The following SANBR variants were observed in gnomAD, a reference collection of about 807,000 sequenced individuals.
SANBR encodes the protein SANT and BTB domain regulator of class switch recombination.
Under a neutral mutation model 101.8 loss-of-function variants are expected in SANBR, and 77 were observed. The ratio of observed to expected loss-of-function variants is 0.76; its 90% CI spans 0.63 to 0.91. The LOEUF is 0.91. SANBR is among the 40% of genes least tolerant of loss of function. The pLI is 0.00. For missense variants in SANBR, 875 were observed against 853.0 expected, an observed-to-expected ratio of 1.03 and a Z score of -0.32; for synonymous variants, 279 against 274.7, an observed-to-expected ratio of 1.02 and a Z score of -0.15.
intron 13 of SANBR, among the ~76,000 whole-genome samples, 173 bp from the exon 14 acceptor site, chr2:61,106,390 C>CA (rs11364653): frequency 0.037 from 2,285 of 61,580 alleles, 3 homozygotes; most frequent in Non-Finnish European, 0.045. Context: ...GACTCCATCT[C>CA]AAAAAAAAAA....
chr2:61,079,547 A>G (rs1329446143), intron 6 of SANBR, among the ~76,000 whole-genome samples: 1 of 152,212 alleles, frequency 6.6e-6, no homozygotes, highest in Non-Finnish European at 1.5e-5. Context: ...TAAAAATTAC[A>G]AGATTGCTAA....
Position 61,071,759 on chromosome 2 carries a change from A to G in SANBR, c.304A>G (p.Thr102Ala). ...LLDIHGEFQE[T>A]PVGHDAVSKT... ...TGACATACATGGAGAATTTCAGGAG[A>G]CTCCAGTTGGACATGATGCAGTTTC... Residue 102 changes from threonine (T) to alanine (A), a missense_variant, in exon 4 of 22, where the codon ACT becomes GCT. Transcript: ENST00000402291. 1.2e-6 allele frequency: 2 copies of G among 1,602,166 alleles called. No homozygotes were observed. Among genetic ancestry groups the G allele is most frequent in the Non-Finnish European group, 1.7e-6 (2 of 1,176,662 alleles).
At chr2:61,105,704 G>A (rs1327408889) in intron 13 of SANBR, among the ~76,000 whole-genome samples, 34 of 135,554 alleles carry the variant, frequency 2.5e-4, no homozygotes, top group African/African-American at 8.1e-4. Context: ...ATGGAGTCTC[G>A]CTCTGTCACC....
At chr2:61,076,343 C>T (rs1468683250) in intron 5 of SANBR, among the ~76,000 whole-genome samples, 35 of 148,448 alleles carry the variant, frequency 2.4e-4, no homozygotes, top group Middle Eastern at 3.4e-3. Flanking sequence ...CAAGGCTGGG[C>T]GCGGTGGCTC....
intron 20 of SANBR, 106 bp downstream of exon 20, chr2:61,118,222 A>G: frequency 1.4e-6 from 1 of 721,590 alleles, no homozygotes; most frequent in Non-Finnish European, 2.3e-6. Flanking sequence ...TTAAAAGAGT[A>G]ATTTATGTGT....
chr2:61,091,356 CTG>C (rs1297102899), intron 10 of SANBR, among the ~76,000 whole-genome samples: 1 of 151,976 alleles, frequency 6.6e-6, no homozygotes, highest in Non-Finnish European at 1.5e-5. Flanking sequence ...CTTTGGGAGA[CTG>C]AGGCGGGTGG....
intron 1 of SANBR, among the ~76,000 whole-genome samples, chr2:61,066,759 G>A (rs1681195396): frequency 6.6e-6 from 1 of 152,012 alleles, no homozygotes; most frequent in Non-Finnish European, 1.5e-5. Context: ...GATTCCTGTT[G>A]TAGACCTCTA....
At position 61,086,977 on chromosome 2, in the gene SANBR, G is replaced by A. The variant is rs116243274; in HGVS notation, c.891-1182G>A. 6.3e-3 allele frequency among the ~76,000 whole-genome samples: 961 copies of A among 152,186 alleles called. 2 individuals carry two copies. The highest frequency in any genetic ancestry group is 8.4e-3 in the Non-Finnish European group (569 of 67,996). On this transcript the variant is annotated intron_variant, in intron 8 of 21. Coordinates refer to ENST00000402291, the MANE Select transcript of SANBR (RefSeq NM_001129993.3). Reference sequence around the variant, plus strand: ...CACAAGGAAAGATGGAGACAGGTAGGATATACATTTAGAATTAAAGACATA... The same window carrying A: ...CACAAGGAAAGATGGAGACAGGTAGAATATACATTTAGAATTAAAGACATA...
chr2:61,095,705 G>T (rs1285057632), intron 11 of SANBR, among the ~76,000 whole-genome samples: 3 of 151,980 alleles, frequency 2.0e-5, no homozygotes, highest in Admixed American at 6.6e-5. Context: ...GTCTCCCCCA[G>T]TGAGGAACTC....
intron 6 of SANBR, among the ~76,000 whole-genome samples, chr2:61,079,699 A>G (rs1681988782): frequency 1.3e-5 from 2 of 152,146 alleles, no homozygotes; most frequent in South Asian, 2.1e-4. Flanking sequence ...GGTAAAAGAA[A>G]TGCAGCAAGC....
At chr2:61,080,801 T>A (rs1682080658) in intron 6 of SANBR, among the ~76,000 whole-genome samples, 1 of 152,228 alleles carries the variant, frequency 6.6e-6, no homozygotes, top group African/African-American at 2.4e-5. Context: ...TTACTTATTT[T>A]AACCATTGTC....
At chr2:61,066,883 A>T (rs555593588) in intron 1 of SANBR, among the ~76,000 whole-genome samples, 56 of 152,322 alleles carry the variant, frequency 3.7e-4, no homozygotes, top group South Asian at 1.7e-3. Context: ...TAAAAAATGA[A>T]GTCTGTTAAA....
chr2:61,069,682 GT>G (rs2104838915), intron 2 of SANBR: 1 of 152,430 alleles, frequency 6.6e-6, no homozygotes, highest in South Asian at 2.1e-4. Context: ...TGATGGCTCA[GT>G]AAATGTTTGA....
At chr2:61,134,086 G>GT (rs777404956) in intron 20 of SANBR, 1 of 1,595,726 alleles carries the variant, frequency 6.3e-7, no homozygotes, top group South Asian at 1.1e-5. Flanking sequence ...GTTTGCCTGG[G>GT]TGTGTATATC....
Position 61,109,311 on chromosome 2 carries a change from G to A in SANBR, c.1744+15G>A, listed in dbSNP as rs781190156. ...CAAGAAACAAAGTATTGGTTTATAAGTTAAAATCAAATCTCCCTGTTTATG... is the reference window on the plus strand; with the variant it reads ...CAAGAAACAAAGTATTGGTTTATAAATTAAAATCAAATCTCCCTGTTTATG... On this transcript the variant is annotated intron_variant, in intron 16 of 21. Transcript: ENST00000402291. 6.2e-5 allele frequency: 88 copies of A among 1,411,496 alleles called. No individual in the cohort carries two copies. Among genetic ancestry groups the A allele is most frequent in the Non-Finnish European group, 8.2e-5 (84 of 1,028,304 alleles). 87.4% of individuals were successfully genotyped at this position (1,411,496 alleles called of 1,614,324 possible).
At position 61,083,290 on chromosome 2, in the gene SANBR, A is replaced by T; in HGVS notation, c.866A>T (p.Lys289Met). The change falls in exon 8 of 22, where the codon AAG becomes ATG. Residue 289 changes from lysine (K) to methionine (M), a missense_variant. Lys to Met is a moderately conservative substitution (Grantham distance 95, BLOSUM62 -1). Coordinates refer to ENST00000402291, the MANE Select transcript of SANBR (RefSeq NM_001129993.3). Reference sequence around the variant, plus strand: ...TCACACAATGAAGTTGATGATTTAAAGGACAAAAAAGATAAATTTAAAAGG... The same window carrying T: ...TCACACAATGAAGTTGATGATTTAATGGACAAAAAAGATAAATTTAAAAGG... ...LFSHNEVDDL[K>M]DKKDKFKSKL... The T allele has an allele frequency of 1.9e-6, 3 of 1,602,702 alleles. No homozygotes were observed. The highest frequency in any genetic ancestry group is 2.6e-6 in the Non-Finnish European group (3 of 1,172,904).
chr2:61,066,628 G>GACCTT (rs1284213959), intron 1 of SANBR, among the ~76,000 whole-genome samples: 1 of 152,256 alleles, frequency 6.6e-6, no homozygotes, highest in African/African-American at 2.4e-5. Flanking sequence ...AGAGGCCTTT[G>GACCTT]ACCTGCCTGC....
chr2:61,115,217 G>C (rs1444356258), intron 16 of SANBR, among the ~76,000 whole-genome samples: 3 of 152,016 alleles, frequency 2.0e-5, no homozygotes, highest in Non-Finnish European at 4.4e-5. Context: ...ACTTTCATTA[G>C]TTAATAGATG....
chr2:61,109,645 T>G (rs1329242118), intron 16 of SANBR, among the ~76,000 whole-genome samples: 1 of 151,902 alleles, frequency 6.6e-6, no homozygotes, highest in African/African-American at 2.4e-5. Flanking sequence ...ATGTATGATT[T>G]TTTTTTTTAG....
Sources: allele counts gnomAD v4.1 joint callset (sites outside exome capture counted in the v4.1 genomes callset), GRCh38; gene constraint gnomAD v4.1.1; transcripts MANE v1.5; gene names NCBI Gene and HGNC (gene_info 2026-07-23, HGNC 2026-07-21).